The following FAM193B variants were observed in gnomAD, a reference collection of about 807,000 sequenced individuals.
The protein encoded by FAM193B is protein FAM193B.
In FAM193B, 27 loss-of-function variants were observed where a neutral mutation model predicts 70.7. The observed-to-expected ratio is 0.38, with a 90% CI of 0.28 to 0.53. The LOEUF (loss-of-function observed/expected upper bound fraction) is 0.53, where lower values mean the gene tolerates loss of function less well. Among genes scored for constraint, FAM193B ranks in the 20% least tolerant of loss-of-function variants. FAM193B has a pLI of 0.81. For synonymous variants in FAM193B, 448 were observed against 436.0 expected, an observed-to-expected ratio of 1.03 and a Z score of -0.34; for missense variants, 1,022 against 1,072.5, an observed-to-expected ratio of 0.95 and a Z score of 0.66.
chr5:177,543,214 T>C (rs111531395), intron 1 of FAM193B, among the ~76,000 whole-genome samples: 2 of 152,210 alleles, frequency 1.3e-5, no homozygotes, highest in African/African-American at 4.8e-5. Flanking sequence ...ACAGGATAGG[T>C]TGTCTTCCTA....
At chr5:177,543,642 C>G (rs145003794) in intron 1 of FAM193B, among the ~76,000 whole-genome samples, 159 of 152,344 alleles carry the variant, frequency 1.0e-3, no homozygotes, top group Non-Finnish European at 1.8e-3. Flanking sequence ...ATAAGAATCC[C>G]AAGCCCTAGA....
chr5:177,551,922 C>T (rs746703930), intron 1 of FAM193B: 2 of 586,202 alleles, frequency 3.4e-6, no homozygotes, highest in Non-Finnish European at 4.3e-6. Context: ...CAAAAGCCTG[C>T]TTCCAGACCC....
Position 177,524,999 on chromosome 5 carries a change from C to T in FAM193B, c.1482G>A (p.Glu494=). 6.5e-7 allele frequency: 1 copy of T among 1,533,318 alleles called. No individual in the cohort carries two copies. Among genetic ancestry groups the T allele is most frequent in the Non-Finnish European group, 8.8e-7 (1 of 1,141,962 alleles). The allele number at this position is 1,533,318 out of a possible 1,614,324, so 95.0% of individuals were successfully genotyped here. ...DSIRASFSVC[E]LSMDSNGFSK... ...AGAAGCCATTGCTGTCCATGCTGAGCTCACACACACTGAAGCTGGCACGGA... is the reference window on the plus strand; with the variant it reads ...AGAAGCCATTGCTGTCCATGCTGAGTTCACACACACTGAAGCTGGCACGGA... The change falls in exon 6 of 9, where the codon GAG becomes GAA. Residue 494 remains glutamate (E), a synonymous_variant. Coordinates refer to ENST00000514747, the MANE Select transcript of FAM193B (RefSeq NM_001190946.3).
chr5:177,532,949 C>A lies in FAM193B; in HGVS notation c.1077-308G>T, dbSNP rs184506552. 1.3e-3 allele frequency among the ~76,000 whole-genome samples: 201 copies of A among 152,366 alleles called. No individual in the cohort carries two copies. Among genetic ancestry groups the A allele is most frequent in the African/African-American group, 4.7e-3 (197 of 41,574 alleles). On this transcript the variant is annotated intron_variant, in intron 4 of 8. Transcript: ENST00000514747. The surrounding 1 kb of genome is among the most constrained non-coding windows in gnomAD (Gnocchi z 4.9). The stretch of plus-strand genomic sequence containing the variant: ...ACTCCATCTTCTGCTTATTGTGCGT[C>A]ACTGTCATGGTCTGTTTGCGCATTT...
intron 1 of FAM193B, among the ~76,000 whole-genome samples, chr5:177,541,011 A>G (rs1239509369): frequency 5.3e-5 from 8 of 152,250 alleles, no homozygotes; most frequent in African/African-American, 9.6e-5. Context: ...AAAGGAACCA[A>G]ACAGTAGTAC....
In FAM193B at chr5:177,536,799, G is replaced by C. The variant is rs921276692; in HGVS notation, c.689-54C>G. ...AGAATGGGAGCCCAGACCTGGGAAGGAAAGCCCACAGGCTCACTGCCACAG... is the reference window on the plus strand; with the variant it reads ...AGAATGGGAGCCCAGACCTGGGAAGCAAAGCCCACAGGCTCACTGCCACAG... On this transcript the variant is annotated intron_variant, in intron 3 of 8. Transcript: ENST00000514747. 9 of 1,531,394 alleles carry C rather than the reference G, an allele frequency of 5.9e-6. No homozygotes were observed. In the South Asian group the frequency reaches 1.1e-4, roughly 19 times the overall value. 94.9% of individuals were successfully genotyped at this position (1,531,394 alleles called of 1,614,324 possible). A position where few individuals can be genotyped will look rare whatever the true frequency, so the allele number is the denominator to read the frequency against.
chr5:177,551,470 G>C (rs1766238780), intron 1 of FAM193B, among the ~76,000 whole-genome samples: 1 of 152,168 alleles, frequency 6.6e-6, no homozygotes, highest in Non-Finnish European at 1.5e-5. Flanking sequence ...AATGAGTGAA[G>C]GGGCCTGGAA....
chr5:177,530,577 A>T (rs1425096761), intron 5 of FAM193B, among the ~76,000 whole-genome samples: 2 of 152,170 alleles, frequency 1.3e-5, no homozygotes, highest in Non-Finnish European at 2.9e-5. Context: ...TCCTGCCTGG[A>T]ATCCTCCAAG....
chr5:177,542,570 A>C (rs998296779), intron 1 of FAM193B, among the ~76,000 whole-genome samples: 2 of 152,222 alleles, frequency 1.3e-5, no homozygotes, highest in African/African-American at 2.4e-5. Flanking sequence ...AACCCCATGA[A>C]GTCATTCCCT....
In FAM193B at chr5:177,554,474, G is replaced by A. The variant is rs1373288625; in HGVS notation, c.-16C>T. On this transcript the variant is annotated 5_prime_UTR_variant, in exon 1 of 9. Transcript: ENST00000514747. ...TCCGCGTCATGCCGCCGCTCGCGCC[G>A]CTCCCTCGCTCCACACGCCGCCGCC... The A allele has an allele frequency of 1.1e-6, 1 of 892,666 alleles. No homozygotes were observed. The highest frequency in any genetic ancestry group is 1.3e-6 in the Non-Finnish European group (1 of 790,032). The allele number at this position is 892,666 out of a possible 1,614,324, so 55.3% of individuals were successfully genotyped here. A position where few individuals can be genotyped will look rare whatever the true frequency, so the allele number is the denominator to read the frequency against.
Position 177,554,294 on chromosome 5 carries a change from G to T in FAM193B, c.165C>A (p.Asp55Glu), listed in dbSNP as rs1766754778. The T allele has an allele frequency of 7.2e-7, 1 of 1,389,088 alleles. No homozygotes were observed. Among genetic ancestry groups the T allele is most frequent in the Non-Finnish European group, 9.4e-7 (1 of 1,065,442 alleles). The allele number at this position is 1,389,088 out of a possible 1,614,324, so 86.0% of individuals were successfully genotyped here. ...TGGGTTCGTCATCCTCCCTGGGGCC[G>T]TCGTGGTCGGGCTCCGCCGGCGCCT... ...PPEAPAEPDH[D>E]GPREDDEPNL... The change falls in exon 1 of 9, where the codon GAC becomes GAA. Residue 55 changes from aspartate to glutamate, a missense_variant. Asp to Glu is a conservative substitution (Grantham distance 45). Transcript: ENST00000514747.
intron 7 of FAM193B, 46 bp downstream of exon 7, chr5:177,523,911 G>A: frequency 1.9e-6 from 3 of 1,599,722 alleles, no homozygotes; most frequent in Non-Finnish European, 2.6e-6. Flanking sequence ...GTGTGGGCAG[G>A]ACCTGGAGTC....
chr5:177,536,874 T>G, intron 3 of FAM193B, 129 bp from the exon 4 acceptor site: 1 of 1,248,896 alleles, frequency 8.0e-7, no homozygotes. Context: ...CAGGGGACCC[T>G]GGAGCTGCAG....
At chr5:177,528,766 G>A (rs1763009726) in intron 5 of FAM193B, among the ~76,000 whole-genome samples, 1 of 152,244 alleles carries the variant, frequency 6.6e-6, no homozygotes, top group African/African-American at 2.4e-5. Flanking sequence ...GAATGGACGT[G>A]CTAAGGTACA....
At chr5:177,544,001 A>G (rs1164920038) in intron 1 of FAM193B, among the ~76,000 whole-genome samples, 1 of 152,246 alleles carries the variant, frequency 6.6e-6, no homozygotes, top group Non-Finnish European at 1.5e-5. Flanking sequence ...TGCTCACCTC[A>G]GTTTAAATTT....
intron 5 of FAM193B, among the ~76,000 whole-genome samples, chr5:177,527,304 T>G (rs906970347): frequency 4.6e-5 from 7 of 152,130 alleles, no homozygotes; most frequent in East Asian, 1.9e-4. Context: ...GGCTGAGAGA[T>G]AAAGCTGGCA....
chr5:177,538,082 T>G lies in FAM193B; in HGVS notation c.479A>C (p.Lys160Thr). 6.5e-7 allele frequency: 1 copy of G among 1,547,170 alleles called. No homozygotes were observed. Among genetic ancestry groups the G allele is most frequent in the Non-Finnish European group, 8.7e-7 (1 of 1,142,890 alleles). The change falls in exon 3 of 9, where the codon AAA (lysine) becomes ACA (threonine). Residue 160 changes from lysine to threonine, a missense_variant. Lys to Thr is a moderately conservative substitution (Grantham distance 78, BLOSUM62 -1). Transcript: ENST00000514747. This position sits in a 1 kb window ranked among gnomAD's most constrained non-coding sequence, Gnocchi z 4.1. ...AGAGTCATCTCCACAAGACTGTGAT[T>G]TGCAGGATGTGTGTGACAAGGAGAT... Reference protein sequence around the residue: ...VAISLSHTSCKSQSCGDDSHS... With the variant: ...VAISLSHTSCTSQSCGDDSHS...
rs1476787120 is a variant in FAM193B, at chr5:177,524,253, C to A, written c.2228G>T (p.Ser743Ile). The change falls in exon 6 of 9, where the codon AGC (serine) becomes ATC (isoleucine). Residue 743 changes from serine (S) to isoleucine (I), a missense_variant. Coordinates refer to ENST00000514747, the MANE Select transcript of FAM193B (RefSeq NM_001190946.3). The stretch of plus-strand genomic sequence containing the variant: ...GCTGCGGCCCTTGCCCTGGGGCAAG[C>A]TCTGTGGCCTTGCTGGGCCTGAGGG... ...VQPSGPARPQSLPQGKGRSRR... is the reference protein window; with the variant it reads ...VQPSGPARPQILPQGKGRSRR... 1.3e-6 allele frequency: 2 copies of A among 1,562,444 alleles called. No individual in the cohort carries two copies. Among genetic ancestry groups the A allele is most frequent in the Non-Finnish European group, 1.7e-6 (2 of 1,155,324 alleles).
chr5:177,547,292 T>TATTTA (rs1561786228), intron 1 of FAM193B: 5 of 121,392 alleles, frequency 4.1e-5, no homozygotes, highest in African/African-American at 1.6e-4. Flanking sequence ...ATTTCTTTTT[T>TATTTA]TTTTTTTTTT....
Sources: allele counts gnomAD v4.1 joint callset (sites outside exome capture counted in the v4.1 genomes callset), GRCh38; gene constraint gnomAD v4.1.1; non-coding constraint Gnocchi (gnomAD v3.1); transcripts MANE v1.5; gene names NCBI Gene and HGNC (gene_info 2026-07-23, HGNC 2026-07-21).